The following FAF1 variants were observed in gnomAD, a reference collection of about 807,000 sequenced individuals.
The protein encoded by FAF1 is Fas associated factor 1.
In FAF1, 25 loss-of-function variants were observed where a neutral mutation model predicts 92.5. The observed-to-expected ratio is 0.27, with a 90% CI of 0.20 to 0.38. The LOEUF is 0.38. Ranked by LOEUF, FAF1 falls within the 10% of genes least tolerant of loss-of-function variation. The pLI, the probability that FAF1 is intolerant of heterozygous loss-of-function variation, is 1.00. For missense variants in FAF1, 636 were observed against 793.3 expected (o/e 0.80, Z 2.38); for synonymous variants, 234 against 273.2 (o/e 0.86, Z 1.42).
intron 13 of FAF1, among the ~76,000 whole-genome samples, chr1:50,560,347 C>G (rs539842727): frequency 6.6e-6 from 1 of 152,352 alleles, no homozygotes; most frequent in East Asian, 1.9e-4. Flanking sequence ...TACCTGTCAG[C>G]ACAGCAGCGG....
intron 6 of FAF1, among the ~76,000 whole-genome samples, chr1:50,722,790 C>G (rs1233300144): frequency 6.6e-6 from 1 of 152,158 alleles, no homozygotes; most frequent in East Asian, 1.9e-4. Flanking sequence ...TTATCACATA[C>G]TGACCTCTCT....
intron 7 of FAF1, among the ~76,000 whole-genome samples, chr1:50,670,364 A>G (rs1655819376): frequency 6.6e-6 from 1 of 151,764 alleles, no homozygotes; most frequent in Admixed American, 6.6e-5. Flanking sequence ...CTGGGATTAC[A>G]GGTGTGAGCC....
At chr1:50,882,705 G>T (rs151161198) in intron 1 of FAF1, among the ~76,000 whole-genome samples, 190 of 151,880 alleles carry the variant, frequency 1.3e-3, no homozygotes, top group African/African-American at 3.8e-3. Flanking sequence ...TAGGTTAATG[G>T]CTGGGTGCGG....
intron 1 of FAF1, among the ~76,000 whole-genome samples, chr1:50,933,082 T>A (rs1645060957): frequency 6.6e-6 from 1 of 152,148 alleles, no homozygotes. Flanking sequence ...TGGGCCTCCG[T>A]GCCTATGATG....
chr1:50,811,276 T>C (rs1198203863), intron 2 of FAF1, among the ~76,000 whole-genome samples: 2 of 152,028 alleles, frequency 1.3e-5, no homozygotes, highest in South Asian at 2.1e-4. Flanking sequence ...GAGGCAGAGG[T>C]TGCAGTGAGC....
At chr1:50,787,679 T>C (rs1661412066) in intron 4 of FAF1, among the ~76,000 whole-genome samples, 2 of 152,158 alleles carry the variant, frequency 1.3e-5, no homozygotes, top group Admixed American at 1.3e-4. Flanking sequence ...AATGAGTAAG[T>C]CTCAGTTGTA....
intron 1 of FAF1, among the ~76,000 whole-genome samples, chr1:50,902,111 T>G (rs1644801451): frequency 6.6e-6 from 1 of 152,182 alleles, no homozygotes; most frequent in Non-Finnish European, 1.5e-5. Context: ...ATATAAGGAT[T>G]TCAGTCCATG....
intron 1 of FAF1, among the ~76,000 whole-genome samples, chr1:50,951,943 T>C (rs1317364268): frequency 6.6e-6 from 1 of 152,178 alleles, no homozygotes; most frequent in Non-Finnish European, 1.5e-5. Context: ...AGAGAAAATA[T>C]TATAAACGGA....
At chr1:50,620,950 C>A (rs891508163) in intron 8 of FAF1, among the ~76,000 whole-genome samples, 4 of 152,216 alleles carry the variant, frequency 2.6e-5, no homozygotes, top group African/African-American at 7.2e-5. Context: ...GTTAGGTGTT[C>A]CGGGCCATGG....
chr1:50,820,698 T>C (rs1326037541), intron 2 of FAF1, among the ~76,000 whole-genome samples: 7 of 152,342 alleles, frequency 4.6e-5, no homozygotes, highest in African/African-American at 1.7e-4. Context: ...TCTGTTGCTA[T>C]GAGTTTGACA....
intron 15 of FAF1, among the ~76,000 whole-genome samples, chr1:50,507,698 A>T (rs1034171141): frequency 6.6e-6 from 1 of 152,232 alleles, no homozygotes; most frequent in African/African-American, 2.4e-5. Flanking sequence ...CCTGGGCAAT[A>T]GTGTGAAACC....
Position 50,449,735 on chromosome 1 carries a change from G to A in FAF1, c.1870-8212C>T, listed in dbSNP as rs530387234. Among the ~76,000 whole-genome samples, 466 of 151,470 alleles carry A rather than the reference G, an allele frequency of 3.1e-3. 3 individuals carry two copies. Among genetic ancestry groups the A allele is most frequent in the African/African-American group, 0.011 (445 of 41,392 alleles). ...GATCTCTTGACCTCCTGATCTGCCC[G>A]CCTCGGCCTCCCAAAGTGCTGGAAT... On this transcript the variant is annotated intron_variant, in intron 18 of 18. Transcript: ENST00000396153.
At chr1:50,646,248 C>T (rs1451931645) in intron 8 of FAF1, among the ~76,000 whole-genome samples, 1 of 152,154 alleles carries the variant, frequency 6.6e-6, no homozygotes, top group Non-Finnish European at 1.5e-5. Flanking sequence ...CCCACCCATA[C>T]ATATATACAC....
At chr1:50,574,321 A>T (rs1650608985) in intron 12 of FAF1, among the ~76,000 whole-genome samples, 1 of 152,224 alleles carries the variant, frequency 6.6e-6, no homozygotes, top group Non-Finnish European at 1.5e-5. Context: ...TCTTACAGCA[A>T]GTTACAGAGA....
At chr1:50,539,751 G>A (rs951649874) in intron 13 of FAF1, 23 bp from the exon 14 acceptor site, 8 of 1,590,786 alleles carry the variant, frequency 5.0e-6, no homozygotes, top group Non-Finnish European at 6.9e-6. Flanking sequence ...AAAATACAAA[G>A]TAAGTTTTGC....
intron 7 of FAF1, among the ~76,000 whole-genome samples, chr1:50,689,329 A>G (rs1013259361): frequency 6.6e-6 from 1 of 152,222 alleles, no homozygotes; most frequent in African/African-American, 2.4e-5. Flanking sequence ...TCACGCCTGT[A>G]ATCCCAGCAC....
chr1:50,735,508 C>T (rs1659099785), intron 6 of FAF1, among the ~76,000 whole-genome samples: 1 of 152,048 alleles, frequency 6.6e-6, no homozygotes, highest in African/African-American at 2.4e-5. Flanking sequence ...TAGTTTATAC[C>T]ATTTCTTCCC....
At chr1:50,956,026 T>C (rs1645264138) in intron 1 of FAF1, among the ~76,000 whole-genome samples, 1 of 152,168 alleles carries the variant, frequency 6.6e-6, no homozygotes, top group Non-Finnish European at 1.5e-5. Context: ...ATAAGTACGG[T>C]AACAGATTTT....
chr1:50,810,217 T>G (rs1662366228), intron 2 of FAF1, among the ~76,000 whole-genome samples: 2 of 152,058 alleles, frequency 1.3e-5, no homozygotes, highest in African/African-American at 4.8e-5. Context: ...ATTGCACCAT[T>G]GCACTCCAGC....
Sources: gnomAD v4.1 joint callset for allele counts (sites outside exome capture counted in the v4.1 genomes callset) on GRCh38, gnomAD v4.1.1 for gene constraint, MANE v1.5 for transcripts, NCBI Gene and HGNC (gene_info 2026-07-23, HGNC 2026-07-21) for gene names.